Variants in ANKS1B observed in about 807,000 individuals in gnomAD.
ANKS1B encodes ankyrin repeat and sterile alpha motif domain-containing protein 1B.
In ANKS1B, 36 loss-of-function variants were observed where a neutral mutation model predicts 148.3. The observed-to-expected ratio is 0.24, with a 90% CI of 0.19 to 0.32. The LOEUF (loss-of-function observed/expected upper bound fraction) is 0.32. Among genes scored for constraint, ANKS1B ranks in the 10% least tolerant of loss-of-function variants. The pLI, the probability that ANKS1B is intolerant of heterozygous loss-of-function variation, is 1.00. For missense variants in ANKS1B, 1,157 were observed against 1,542.6 expected, an observed-to-expected ratio of 0.75 and a Z score of 4.19; for synonymous variants, 542 against 560.8, an observed-to-expected ratio of 0.97 and a Z score of 0.47.
chr12:99,255,498 C>CT (rs541462118), intron 12 of ANKS1B, among the ~76,000 whole-genome samples: 221 of 151,980 alleles, frequency 1.5e-3, no homozygotes, highest in Non-Finnish European at 2.4e-3. Flanking sequence ...TTACTATTTT[C>CT]TTTCTATGCC....
At chr12:99,057,539 C>A (rs1565801333) in intron 16 of ANKS1B, among the ~76,000 whole-genome samples, 3 of 152,162 alleles carry the variant, frequency 2.0e-5, no homozygotes. Context: ...CTTCAGCCGA[C>A]AGTTATTTTT....
chr12:98,812,901 T>C (rs2153634145), intron 19 of ANKS1B, among the ~76,000 whole-genome samples: 1 of 152,294 alleles, frequency 6.6e-6, no homozygotes, highest in East Asian at 1.9e-4. Flanking sequence ...GCAGTAGTTT[T>C]GTTAGCAGTA....
intron 1 of ANKS1B, among the ~76,000 whole-genome samples, chr12:99,936,684 G>T (rs1429153): frequency 0.22 from 32,797 of 152,012 alleles, 3,818 homozygotes; most frequent in African/African-American, 0.25. Context: ...GTCTGTTACT[G>T]TTAGATTAAT....
chr12:99,645,254 T>C (rs1745080741), intron 9 of ANKS1B, among the ~76,000 whole-genome samples: 1 of 152,230 alleles, frequency 6.6e-6, no homozygotes. Flanking sequence ...TGCCATTTCC[T>C]CATTTCAAAC....
At chr12:99,158,094 G>A (rs1401187662) in intron 14 of ANKS1B, among the ~76,000 whole-genome samples, 1 of 152,078 alleles carries the variant, frequency 6.6e-6, no homozygotes, top group Non-Finnish European at 1.5e-5. Context: ...AAAAAAAGAA[G>A]ACCCTGAGTC....
At chr12:98,837,524 T>C (rs1406081495) in intron 17 of ANKS1B, among the ~76,000 whole-genome samples, 1 of 152,126 alleles carries the variant, frequency 6.6e-6, no homozygotes, top group Non-Finnish European at 1.5e-5. Context: ...TTTTCTCCAG[T>C]ATCACTTAAA....
intron 9 of ANKS1B, among the ~76,000 whole-genome samples, chr12:99,552,177 T>C (rs1364000378): frequency 6.6e-6 from 1 of 152,204 alleles, no homozygotes; most frequent in Non-Finnish European, 1.5e-5. Context: ...CTATCACACA[T>C]TCTTGCAGAA....
At chr12:99,587,124 G>T (rs1234297055) in intron 9 of ANKS1B, among the ~76,000 whole-genome samples, 2 of 152,142 alleles carry the variant, frequency 1.3e-5, no homozygotes, top group South Asian at 2.1e-4. Context: ...GCAGGGTAAA[G>T]AAGCTTTTTC....
At chr12:99,101,811 C>T (rs2153677919) in intron 15 of ANKS1B, among the ~76,000 whole-genome samples, 1 of 152,304 alleles carries the variant, frequency 6.6e-6, no homozygotes, top group South Asian at 2.1e-4. Flanking sequence ...ATCCACCCAC[C>T]TCAGCCTCCC....
intron 9 of ANKS1B, among the ~76,000 whole-genome samples, chr12:99,525,577 T>C (rs1293121736): frequency 6.6e-6 from 1 of 152,188 alleles, no homozygotes; most frequent in Non-Finnish European, 1.5e-5. Context: ...TATTACATTA[T>C]AAAGGTGGTA....
chr12:99,677,846 G>A (rs1036120751), intron 8 of ANKS1B, among the ~76,000 whole-genome samples: 11 of 152,082 alleles, frequency 7.2e-5, no homozygotes, highest in Admixed American at 6.6e-4. Flanking sequence ...GGTGGCACGC[G>A]CCTGTAGTCC....
Position 99,403,694 on chromosome 12 carries a change from A to G in ANKS1B, c.1576-3883T>C, listed in dbSNP as rs191171358. ...ATTCCAACTGAAGGAACACTTATAC[A>G]CTGTTGATGGGAGTTTAAATTAGTT... On this transcript the variant is annotated intron_variant, in intron 11 of 26. Coordinates refer to ENST00000683438, the MANE Select transcript of ANKS1B (RefSeq NM_001352186.2). 2.1e-5 allele frequency among the ~76,000 whole-genome samples: 3 copies of G among 145,216 alleles called. 1 individual carries two copies. Among genetic ancestry groups the G allele is most frequent in the South Asian group, 2.1e-4 (1 of 4,730 alleles).
At position 98,858,920 on chromosome 12, in the gene ANKS1B, C is replaced by T. The variant is rs185965520; in HGVS notation, c.2779-26784G>A. 2.6e-5 allele frequency among the ~76,000 whole-genome samples: 4 copies of T among 152,294 alleles called. No individual in the cohort carries two copies. In the East Asian group the frequency reaches 7.7e-4, roughly 29 times the overall value. On this transcript the variant is annotated intron_variant, in intron 17 of 26. Coordinates refer to ENST00000683438, the MANE Select transcript of ANKS1B (RefSeq NM_001352186.2). ...CTCTGTAAAATGAGAGAGGAACATA[C>T]ATTATCACCTTATATTATCGATTTA...
At chr12:99,032,639 C>A (rs2099952957) in intron 17 of ANKS1B, among the ~76,000 whole-genome samples, 1 of 152,208 alleles carries the variant, frequency 6.6e-6, no homozygotes, top group Non-Finnish European at 1.5e-5. Context: ...CAAATAAGGT[C>A]ACATTCACAG....
intron 8 of ANKS1B, among the ~76,000 whole-genome samples, chr12:99,715,763 A>C (rs558331397): frequency 1.3e-5 from 2 of 151,822 alleles, no homozygotes; most frequent in Non-Finnish European, 2.9e-5. Context: ...GCCTCTTCTT[A>C]CTCTCTTCTC....
At chr12:99,396,762 G>A (rs1434680255) in intron 12 of ANKS1B, among the ~76,000 whole-genome samples, 1 of 151,992 alleles carries the variant, frequency 6.6e-6, no homozygotes, top group Non-Finnish European at 1.5e-5. Flanking sequence ...TAATAAAGGG[G>A]AAAAGGTAAT....
chr12:99,728,064 T>C (rs892085212), intron 8 of ANKS1B, among the ~76,000 whole-genome samples: 4 of 152,106 alleles, frequency 2.6e-5, no homozygotes, highest in Non-Finnish European at 4.4e-5. Flanking sequence ...ATTCAGGACA[T>C]AGGCATGGGC....
intron 19 of ANKS1B, among the ~76,000 whole-genome samples, chr12:98,814,317 G>A: frequency 6.6e-6 from 1 of 152,216 alleles, no homozygotes; most frequent in African/African-American, 2.4e-5. Flanking sequence ...GAACACAGAA[G>A]GAACACATTT....
chr12:99,477,212 T>C (rs1322243207), intron 10 of ANKS1B, among the ~76,000 whole-genome samples: 7 of 152,274 alleles, frequency 4.6e-5, no homozygotes, highest in Middle Eastern at 6.8e-3. Flanking sequence ...AAGGCATAAA[T>C]ACCAGGAAAG....
Sources: gnomAD v4.1 joint callset for allele counts (sites outside exome capture counted in the v4.1 genomes callset) on GRCh38, gnomAD v4.1.1 for gene constraint, MANE v1.5 for transcripts, NCBI Gene and HGNC (gene_info 2026-07-23, HGNC 2026-07-21) for gene names.